The following ERLIN2 variants were observed in gnomAD, a reference collection of about 807,000 sequenced individuals.
ERLIN2 encodes erlin-2.
Under a neutral mutation model 41.5 loss-of-function variants are expected in ERLIN2, and 22 were observed. The observed-to-expected ratio is 0.53, with a 90% CI of 0.38 to 0.76. ERLIN2 has a LOEUF of 0.76. Among genes scored for constraint, ERLIN2 ranks in the 30% least tolerant of loss-of-function variants. The pLI, the probability that ERLIN2 is intolerant of heterozygous loss-of-function variation, is 0.00. For missense variants in ERLIN2, 247 were observed against 414.3 expected, an observed-to-expected ratio of 0.60 and a Z score of 3.51; for synonymous variants, 149 against 150.9, an observed-to-expected ratio of 0.99 and a Z score of 0.09.
At chr8:37,745,510 T>C (rs1014036507) in intron 6 of ERLIN2, 4 of 1,549,610 alleles carry the variant, frequency 2.6e-6, no homozygotes, top group African/African-American at 2.7e-5. Context: ...AATTCTCTAA[T>C]AGCCAATGCC....
intron 6 of ERLIN2, chr8:37,745,658 C>A (rs1166971586): frequency 4.3e-6 from 7 of 1,613,454 alleles, no homozygotes; most frequent in Non-Finnish European, 5.9e-6. Context: ...TCATCCACAT[C>A]GCCAGCAATC....
Position 37,755,690 on chromosome 8 carries a change from G to A in ERLIN2, c.*1575G>A, listed in dbSNP as rs1231099366. 6.6e-6 allele frequency: 1 copy of A among 151,906 alleles called. No individual in the cohort carries two copies. Among genetic ancestry groups the A allele is most frequent in the Non-Finnish European group, 1.5e-5 (1 of 68,002 alleles). The allele number at this position is 151,906 out of a possible 1,614,324, so 9.4% of individuals were successfully genotyped here. On this transcript the variant is annotated 3_prime_UTR_variant, in exon 12 of 12. Coordinates refer to ENST00000519638, the MANE Select transcript of ERLIN2 (RefSeq NM_007175.8). ...GCCCAGACTTCTGGTTTAAGGAATG[G>A]TCCCAGAGCTTGGGCCAGCTTGCTC...
chr8:37,736,939 G>T (rs1291582332), intron 1 of ERLIN2: 1 of 985,962 alleles, frequency 1.0e-6, no homozygotes, highest in Non-Finnish European at 1.2e-6. Context: ...GGGCGCGAGT[G>T]ACCTCGGGGA....
intron 6 of ERLIN2, chr8:37,747,940 T>C: frequency 4.3e-6 from 7 of 1,614,172 alleles, no homozygotes; most frequent in Non-Finnish European, 5.9e-6. Flanking sequence ...CTTCTCGCCG[T>C]CGTCATATTC....
chr8:37,737,401 G>A (rs1802688573), intron 1 of ERLIN2: 1 of 194,074 alleles, frequency 5.2e-6, no homozygotes, highest in Non-Finnish European at 1.1e-5. Context: ...CTCGCCTGCT[G>A]GCTCTGCCAC....
intron 10 of ERLIN2, among the ~76,000 whole-genome samples, chr8:37,752,852 A>G (rs1179638553): frequency 1.3e-5 from 2 of 152,282 alleles, no homozygotes; most frequent in Non-Finnish European, 2.9e-5. Flanking sequence ...ATTCTCTCTC[A>G]GAATCGCGCC....
Position 37,737,719 on chromosome 8 carries a change from A to G in ERLIN2, c.-15-189A>G. The G allele has an allele frequency of 4.8e-6, 3 of 622,346 alleles. No individual in the cohort carries two copies. The South Asian group carries it at 5.7e-5, about 12-fold the overall frequency. The allele number at this position is 622,346 out of a possible 1,614,324, so 38.6% of individuals were successfully genotyped here. On this transcript the variant is annotated intron_variant, in intron 1 of 11. Transcript: ENST00000519638. ...AGTGCGGTGGGGGCTCTAATTTTACAGTTAAAGAAAGGGGAACGTTGACTG... is the reference window on the plus strand; with the variant it reads ...AGTGCGGTGGGGGCTCTAATTTTACGGTTAAAGAAAGGGGAACGTTGACTG...
rs1402293133 is a variant in ERLIN2 at position 37,758,226 on chromosome 8, T to C, written c.*4111T>C. 1.3e-5 allele frequency: 2 copies of C among 152,194 alleles called. No individual in the cohort carries two copies. The highest frequency in any genetic ancestry group is 2.9e-5 in the Non-Finnish European group (2 of 68,026). 9.4% of individuals were successfully genotyped at this position (152,194 alleles called of 1,614,324 possible). A position where few individuals can be genotyped will look rare whatever the true frequency, so the allele number is the denominator to read the frequency against. ...AGGGATCCCAAGCTTTTTCTATTGG[T>C]TTGAGAGCCTGCTACACAAATAATA... On this transcript the variant is annotated 3_prime_UTR_variant, in exon 12 of 12. Transcript: ENST00000519638.
chr8:37,744,711 C>A lies in ERLIN2; in HGVS notation c.424+15C>A. The stretch of plus-strand genomic sequence containing the variant: ...TGAGCTGTTTGGTAAGAAAGTCTCT[C>A]CTGAGCATGCCGTGCTTAAGCAGGG... On this transcript the variant is annotated intron_variant, in intron 6 of 11. Transcript: ENST00000519638. The A allele has an allele frequency of 1.2e-6, 2 of 1,614,138 alleles. No homozygotes were observed. The highest frequency in any genetic ancestry group is 1.7e-6 in the Non-Finnish European group (2 of 1,179,996).
chr8:37,748,126 T>A (rs1803119928), intron 6 of ERLIN2: 2 of 691,666 alleles, frequency 2.9e-6, no homozygotes, highest in Admixed American at 5.3e-5. Flanking sequence ...AAATGGCATT[T>A]ATCAACATTT....
intron 4 of ERLIN2, among the ~76,000 whole-genome samples, chr8:37,744,104 C>T (rs921631156): frequency 4.6e-5 from 7 of 152,208 alleles, no homozygotes; most frequent in African/African-American, 1.4e-4. Context: ...GTTACTCTTT[C>T]GTACTGGTCC....
At chr8:37,746,571 T>C (rs1206217343) in intron 6 of ERLIN2, 4 of 943,050 alleles carry the variant, frequency 4.2e-6, no homozygotes, top group Non-Finnish European at 3.8e-6. Flanking sequence ...TATCTCACTA[T>C]CATTTATTAA....
At chr8:37,750,629 A>C in intron 9 of ERLIN2, 143 bp downstream of exon 9, 1 of 730,718 alleles carries the variant, frequency 1.4e-6, no homozygotes, top group Non-Finnish European at 2.5e-6. Flanking sequence ...GACTCCCAGA[A>C]ACAAAGTTGA....
At chr8:37,737,784 T>G (rs772945653) in intron 1 of ERLIN2, 124 bp from the exon 2 acceptor site, 5 of 1,126,790 alleles carry the variant, frequency 4.4e-6, no homozygotes, top group Non-Finnish European at 6.5e-6. Context: ...AGCCTTGTGT[T>G]CACACGACAC....
chr8:37,739,298 G>A (rs1802769595), intron 2 of ERLIN2, among the ~76,000 whole-genome samples: 1 of 152,116 alleles, frequency 6.6e-6, no homozygotes, highest in African/African-American at 2.4e-5. Context: ...GATTAGAAAG[G>A]TAACTCTATT....
intron 1 of ERLIN2, 62 bp downstream of exon 1, chr8:37,736,740 G>A (rs958811109): frequency 1.4e-5 from 14 of 985,620 alleles, no homozygotes; most frequent in African/African-American, 1.7e-5. Context: ...GGTCGGGGCT[G>A]ACCCGTCACT....
At chr8:37,753,392 C>T (rs1803272591) in intron 10 of ERLIN2, 58 bp from the exon 11 acceptor site, 5 of 1,441,136 alleles carry the variant, frequency 3.5e-6, no homozygotes, top group East Asian at 2.3e-5. Flanking sequence ...CTCTGCACTT[C>T]CTGCAAAGAA....
intron 6 of ERLIN2, chr8:37,747,252 G>A (rs922242669): frequency 1.0e-5 from 8 of 768,664 alleles, no homozygotes; most frequent in Admixed American, 1.8e-5. Context: ...ATATAAATAG[G>A]AACCAGTCTA....
At chr8:37,740,226 T>C in intron 2 of ERLIN2, 139 bp from the exon 3 acceptor site, 1 of 719,102 alleles carries the variant, frequency 1.4e-6, no homozygotes, top group Non-Finnish European at 2.6e-6. Context: ...AAGAAAGGGA[T>C]CTGTAGCCAT....
Sources: allele counts gnomAD v4.1 joint callset (sites outside exome capture counted in the v4.1 genomes callset), GRCh38; gene constraint gnomAD v4.1.1; transcripts MANE v1.5; gene names NCBI Gene and HGNC (gene_info 2026-07-23, HGNC 2026-07-21).